DOCK8: variants seen among roughly 807,000 people sequenced by gnomAD.
DOCK8 encodes the protein dedicator of cytokinesis protein 8.
In DOCK8, 141 loss-of-function variants were observed where a neutral mutation model predicts 245.6. That is an observed-to-expected ratio of 0.57 (90% CI 0.50 to 0.66). DOCK8 has a LOEUF of 0.66. Among genes scored for constraint, DOCK8 ranks in the 30% least tolerant of loss-of-function variants. DOCK8 has a pLI of 0.00. For missense variants in DOCK8, 2,965 were observed against 2,603.4 expected (o/e 1.14, Z -3.02); for synonymous variants, 1,168 against 970.2 (o/e 1.20, Z -3.79).
In DOCK8 at chr9:336,583, G is replaced by T; in HGVS notation, c.1287G>T (p.Gly429=). ...REVTDVDSVV[G]RSSVGERRTL... The stretch of plus-strand genomic sequence containing the variant: ...GAGTGACAATTGTTTTTCTTAAAGG[G>T]AGAAGCTCAGTGGGTGAACGGAGGA... Residue 429 remains glycine (G), a splice_region_variant and synonymous_variant, in exon 12 of 48, where the codon GGG becomes GGT. Coordinates refer to ENST00000432829, the MANE Select transcript of DOCK8 (RefSeq NM_203447.4). The T allele has an allele frequency of 6.2e-7, 1 of 1,614,184 alleles. No homozygotes were observed. Among genetic ancestry groups the T allele is most frequent in the Non-Finnish European group, 8.5e-7 (1 of 1,180,016 alleles).
chr9:331,169 G>T (rs114918059), intron 9 of DOCK8, among the ~76,000 whole-genome samples: 1 of 152,152 alleles, frequency 6.6e-6, no homozygotes, highest in South Asian at 2.1e-4. Flanking sequence ...AGTGTTTATC[G>T]CCACCTTATC....
rs764089024 is a variant in DOCK8 at position 312,089 on chromosome 9, T to A, written c.664T>A (p.Phe222Ile). 24 of 1,614,068 alleles carry A rather than the reference T, an allele frequency of 1.5e-5. No individual in the cohort carries two copies. The highest frequency in any genetic ancestry group is 2.0e-5 in the Non-Finnish European group (24 of 1,180,036). The change falls in exon 6 of 48, where the codon TTT becomes ATT. Residue 222 changes from phenylalanine (F) to isoleucine (I), a missense_variant. Transcript: ENST00000432829. The stretch of plus-strand genomic sequence containing the variant: ...CCTGCAGCAAGTGAGTGCCGAGGAC[T>A]TTGAGAAGCAGAACGAGGAGGCCCG... ...NLLQQVSAED[F>I]EKQNEEARRT...
chr9:460,673 T>C (rs2057776260), intron 46 of DOCK8, among the ~76,000 whole-genome samples: 1 of 152,264 alleles, frequency 6.6e-6, no homozygotes, highest in Non-Finnish European at 1.5e-5. Context: ...TTTCAGATTC[T>C]GTGTGAGTTA....
At chr9:318,649 A>T (rs1586689175) in intron 7 of DOCK8, among the ~76,000 whole-genome samples, 1 of 152,298 alleles carries the variant, frequency 6.6e-6, no homozygotes, top group African/African-American at 2.4e-5. Context: ...GCAGCCCATA[A>T]ACCAGCTGAG....
chr9:383,678 C>G (rs1187251454), intron 22 of DOCK8, among the ~76,000 whole-genome samples: 1 of 113,328 alleles, frequency 8.8e-6, no homozygotes, highest in African/African-American at 3.3e-5. Context: ...CCAGCTTGAG[C>G]TACAAGAGTG....
At chr9:390,389 G>T in intron 23 of DOCK8, 82 bp from the exon 24 acceptor site, 1 of 1,265,512 alleles carries the variant, frequency 7.9e-7, no homozygotes. Flanking sequence ...TTAAATTGGG[G>T]GGAATAAAAG....
intron 4 of DOCK8, among the ~76,000 whole-genome samples, chr9:293,507 G>A (rs2049132157): frequency 6.6e-6 from 1 of 152,254 alleles, no homozygotes; most frequent in African/African-American, 2.4e-5. Flanking sequence ...AAGCTGTGAT[G>A]CTTTCATAGA....
At chr9:442,328 A>G (rs1219554762) in intron 42 of DOCK8, among the ~76,000 whole-genome samples, 1 of 152,240 alleles carries the variant, frequency 6.6e-6, no homozygotes, top group Non-Finnish European at 1.5e-5. Context: ...CTTTCCAAAT[A>G]TTAGTAGTTT....
intron 43 of DOCK8, among the ~76,000 whole-genome samples, chr9:445,677 G>A (rs990860971): frequency 3.3e-5 from 5 of 152,154 alleles, no homozygotes; most frequent in African/African-American, 1.2e-4. Flanking sequence ...GTATTCTGTT[G>A]TGTGACTACC....
intron 16 of DOCK8, among the ~76,000 whole-genome samples, chr9:370,877 A>G (rs1042532874): frequency 3.3e-5 from 5 of 152,330 alleles, no homozygotes; most frequent in South Asian, 2.1e-4. Flanking sequence ...TCATTTAAGC[A>G]CATTCTGGGA....
chr9:234,186 A>G (rs1271252225), intron 1 of DOCK8, among the ~76,000 whole-genome samples: 4 of 152,252 alleles, frequency 2.6e-5, no homozygotes, highest in South Asian at 2.1e-4. Flanking sequence ...GAAATTCTGC[A>G]TTGAAAATTC....
chr9:276,926 A>AGCCT (rs1282288672), intron 2 of DOCK8: 1 of 284,402 alleles, frequency 3.5e-6, no homozygotes, highest in Admixed American at 3.9e-5. Flanking sequence ...CTCCTGCCTC[A>AGCCT]GCCTCCCAAG....
Position 407,987 on chromosome 9 carries a change from A to G in DOCK8, c.3530+918A>G, listed in dbSNP as rs555361943. 7.9e-5 allele frequency among the ~76,000 whole-genome samples: 12 copies of G among 152,254 alleles called. No individual in the cohort carries two copies. The South Asian group carries it at 1.9e-3, about 24-fold the overall frequency. On this transcript the variant is annotated intron_variant, in intron 28 of 47. Coordinates refer to ENST00000432829, the MANE Select transcript of DOCK8 (RefSeq NM_203447.4). ...ACTTGCCCACTATTCCATAACAGAG[A>G]ACGAAATCTAAAGCCATGGTCTTCC...
At position 405,060 on chromosome 9, in the gene DOCK8, C is replaced by G. The variant is rs147007952; in HGVS notation, c.3377C>G (p.Ser1126Cys). Residue 1126 changes from serine (S) to cysteine (C), a missense_variant, in exon 27 of 48, where the codon TCC becomes TGC. By Grantham distance (112) the Ser-to-Cys change is moderately radical (BLOSUM62 -1). Coordinates refer to ENST00000432829, the MANE Select transcript of DOCK8 (RefSeq NM_203447.4). ...ACTGCTCCAACATCTCCTTGTCCTT[C>G]CATATCTTCCCAGGTAATAAAAGAA... ...ADTAPTSPCP[S>C]ISSQNSSSCS... 5.6e-6 allele frequency: 9 copies of G among 1,613,398 alleles called. No homozygotes were observed. The highest frequency in any genetic ancestry group is 7.6e-6 in the Non-Finnish European group (9 of 1,179,738).
intron 1 of DOCK8, among the ~76,000 whole-genome samples, chr9:231,832 G>T (rs1384730321): frequency 6.6e-6 from 1 of 152,160 alleles, no homozygotes; most frequent in African/African-American, 2.4e-5. Flanking sequence ...TATAAATCAT[G>T]TCATCTGCAA....
rs1297437741 is a variant in DOCK8 at position 353,803 on chromosome 9, G to A, written c.1679+13482G>A. 2.6e-5 allele frequency among the ~76,000 whole-genome samples: 4 copies of A among 152,274 alleles called. No individual in the cohort carries two copies. The East Asian group carries it at 7.7e-4, about 29-fold the overall frequency. On this transcript the variant is annotated intron_variant, in intron 14 of 47. Coordinates refer to ENST00000432829, the MANE Select transcript of DOCK8 (RefSeq NM_203447.4). ...TTTATTTTGTTTTTATCTGCAGGAG[G>A]TTTTCATTCAAAATGTGGTGCTTTG... is the stretch of plus-strand genomic sequence containing the variant.
At chr9:253,499 G>A (rs970786997) in intron 1 of DOCK8, among the ~76,000 whole-genome samples, 2 of 152,174 alleles carry the variant, frequency 1.3e-5, no homozygotes, top group African/African-American at 4.8e-5. Flanking sequence ...TTAGGCTTAA[G>A]CAGTCCCTTA....
chr9:349,164 G>T (rs149845459), intron 14 of DOCK8, among the ~76,000 whole-genome samples: 13 of 152,304 alleles, frequency 8.5e-5, no homozygotes, highest in African/African-American at 2.6e-4. Context: ...ACAGAGCTGT[G>T]AGTAGTTGAA....
At chr9:244,179 C>T (rs917472477) in intron 1 of DOCK8, among the ~76,000 whole-genome samples, 3 of 128,460 alleles carry the variant, frequency 2.3e-5, no homozygotes, top group East Asian at 2.5e-4. Flanking sequence ...CAGAGCCAGA[C>T]TCCGTCTGAA....
Sources: allele counts gnomAD v4.1 joint callset (sites outside exome capture counted in the v4.1 genomes callset), GRCh38; gene constraint gnomAD v4.1.1; transcripts MANE v1.5; gene names NCBI Gene and HGNC (gene_info 2026-07-23, HGNC 2026-07-21).